Variants in MBNL2 observed in about 807,000 individuals in gnomAD.
MBNL2 encodes the protein muscleblind-like protein 2.
Under a neutral mutation model 41.9 loss-of-function variants are expected in MBNL2, and 17 were observed. The ratio of observed to expected loss-of-function variants is 0.41; its 90% CI spans 0.28 to 0.61. The LOEUF (loss-of-function observed/expected upper bound fraction) is 0.61, where lower values mean the gene tolerates loss of function less well. Among genes scored for constraint, MBNL2 ranks in the 20% least tolerant of loss-of-function variants. MBNL2 has a pLI of 0.35. For synonymous variants in MBNL2, 195 were observed against 182.9 expected (o/e 1.07, Z -0.53); for missense variants, 336 against 505.6 (o/e 0.66, Z 3.22).
chr13:97,365,629 C>T (rs1441744535), intron 8 of MBNL2, among the ~76,000 whole-genome samples: 5 of 152,078 alleles, frequency 3.3e-5, no homozygotes, highest in African/African-American at 7.2e-5. Context: ...ATTTTGAAAC[C>T]GCATGTCTGA....
intron 8 of MBNL2, among the ~76,000 whole-genome samples, chr13:97,370,790 G>A (rs945602091): frequency 6.6e-6 from 1 of 152,076 alleles, no homozygotes; most frequent in South Asian, 2.1e-4. Flanking sequence ...CTAAGAAAAA[G>A]TTAGTCCTTT....
chr13:97,178,475 T>C, the MBNL2 span, among the ~76,000 whole-genome samples: 6 of 152,228 alleles, frequency 3.9e-5, no homozygotes, highest in African/African-American at 1.4e-4. Flanking sequence ...AAAATTGTTA[T>C]ACAACCATTT....
At chr13:97,193,324 C>T in the MBNL2 span, among the ~76,000 whole-genome samples, 3 of 152,186 alleles carry the variant, frequency 2.0e-5, no homozygotes, top group African/African-American at 4.8e-5. Context: ...GTTGATGGGG[C>T]CCAAGGGCCC....
the MBNL2 span, among the ~76,000 whole-genome samples, chr13:97,197,788 C>G: frequency 6.5e-4 from 99 of 152,284 alleles, no homozygotes; most frequent in Non-Finnish European, 1.1e-3. Context: ...TCCAATTAAA[C>G]AGTTAAGGTT....
intron 2 of MBNL2, among the ~76,000 whole-genome samples, chr13:97,323,594 A>G (rs1165747751): frequency 1.3e-5 from 2 of 152,194 alleles, no homozygotes; most frequent in African/African-American, 2.4e-5. Flanking sequence ...AGGCCGTTGT[A>G]TATCAGGGAC....
intron 1 of MBNL2, among the ~76,000 whole-genome samples, chr13:97,272,778 C>T (rs538290762): frequency 3.9e-5 from 6 of 152,104 alleles, no homozygotes; most frequent in South Asian, 4.1e-4. Flanking sequence ...ACAATGCATA[C>T]GTATTTCAAA....
the MBNL2 span, among the ~76,000 whole-genome samples, chr13:97,205,227 A>T: frequency 7.2e-6 from 1 of 138,500 alleles, no homozygotes; most frequent in African/African-American, 2.9e-5. Flanking sequence ...TTATATTAAA[A>T]ATATATATAT....
the MBNL2 span, among the ~76,000 whole-genome samples, chr13:97,155,381 CTTTT>C: frequency 2.1e-5 from 3 of 139,880 alleles, no homozygotes; most frequent in African/African-American, 7.8e-5. Flanking sequence ...AAGTAATTTT[CTTTT>C]TTTTTTTTAT....
At chr13:97,235,164 T>C (rs1365336528) in intron 1 of MBNL2, among the ~76,000 whole-genome samples, 2 of 152,190 alleles carry the variant, frequency 1.3e-5, no homozygotes, top group Non-Finnish European at 2.9e-5. Context: ...AGACTTGAGT[T>C]GATATTTAAC....
intron 5 of MBNL2, among the ~76,000 whole-genome samples, chr13:97,355,415 G>A (rs1053711045): frequency 1.3e-5 from 2 of 151,856 alleles, no homozygotes; most frequent in Admixed American, 6.6e-5. Flanking sequence ...CATTTTAAAG[G>A]TTTAGTACTG....
the MBNL2 span, among the ~76,000 whole-genome samples, chr13:97,186,600 A>G: frequency 6.6e-6 from 1 of 152,230 alleles, no homozygotes; most frequent in Admixed American, 6.5e-5. Context: ...GCAGGTCAGA[A>G]TGACTATCTA....
intron 2 of MBNL2, among the ~76,000 whole-genome samples, chr13:97,298,200 AAAAT>A (rs766443043): frequency 7.9e-5 from 12 of 151,624 alleles, no homozygotes; most frequent in Admixed American, 6.6e-5. Flanking sequence ...TAAATAAATA[AAAAT>A]AAATAAATAA....
At chr13:97,263,926 A>AT (rs2049175208) in intron 1 of MBNL2, among the ~76,000 whole-genome samples, 1 of 149,036 alleles carries the variant, frequency 6.7e-6, no homozygotes, top group Non-Finnish European at 1.5e-5. Context: ...CCTTACTTTT[A>AT]TTTTTTTAAT....
upstream of MBNL2, among the ~76,000 whole-genome samples, chr13:97,218,440 C>CAAAACAAAACAAAACA (rs55815508): frequency 8.5e-6 from 1 of 117,974 alleles, no homozygotes. Context: ...CAAAACAAAA[C>CAAAACAAAACAAAACA]AAAAAAAAAA....
In MBNL2 at chr13:97,333,930, G is replaced by A. The variant is rs2060633779; in HGVS notation, c.175-346G>A. Among the ~76,000 whole-genome samples the A allele has an allele frequency of 2.6e-5, 3 of 114,496 alleles. No individual in the cohort carries two copies. The South Asian group carries it at 9.1e-4, about 35-fold the overall frequency. 75.1% of individuals were successfully genotyped at this position (114,496 alleles called of 152,430 possible). A position where few individuals can be genotyped will look rare whatever the true frequency, so the allele number is the denominator to read the frequency against. ...GGTTTAGAATCTGAAAGGAAGAAAGGAAAGAAAGAAAGAAAAGAAAGAAAG... is the reference window on the plus strand; with the variant it reads ...GGTTTAGAATCTGAAAGGAAGAAAGAAAAGAAAGAAAGAAAAGAAAGAAAG... On this transcript the variant is annotated intron_variant, in intron 2 of 8. Transcript: ENST00000679496.
At position 97,380,451 on chromosome 13, in the gene MBNL2, G is replaced by A. The variant is rs551337326; in HGVS notation, c.1049-10871G>A. On this transcript the variant is annotated intron_variant, in intron 8 of 8. Coordinates refer to ENST00000679496, the MANE Select transcript of MBNL2 (RefSeq NM_001382683.1). Reference sequence around the variant, plus strand: ...AGAGGTTGCAGTGAGCCAAGATTGCGCCTTTGCACTCCAGCCTGGGCAACA... The same window carrying A: ...AGAGGTTGCAGTGAGCCAAGATTGCACCTTTGCACTCCAGCCTGGGCAACA... Among the ~76,000 whole-genome samples the A allele has an allele frequency of 4.6e-5, 7 of 151,850 alleles. No homozygotes were observed. The East Asian group carries it at 5.8e-4, about 13-fold the overall frequency.
intron 2 of MBNL2, among the ~76,000 whole-genome samples, chr13:97,317,203 G>A (rs1183180548): frequency 1.3e-5 from 2 of 152,166 alleles, no homozygotes; most frequent in African/African-American, 4.8e-5. Context: ...GTCCCGTGTG[G>A]TCCTATAAGT....
intron 2 of MBNL2, among the ~76,000 whole-genome samples, chr13:97,331,649 C>A (rs2060450728): frequency 6.6e-6 from 1 of 152,072 alleles, no homozygotes; most frequent in Non-Finnish European, 1.5e-5. Flanking sequence ...GGGAAAGTTT[C>A]TTTATCTTCT....
chr13:97,292,753 A>C (rs1395918535), intron 2 of MBNL2, among the ~76,000 whole-genome samples: 1 of 152,020 alleles, frequency 6.6e-6, no homozygotes, highest in Non-Finnish European at 1.5e-5. Flanking sequence ...TTCTTGATAC[A>C]TAGTACAATT....
Sources: gnomAD v4.1 joint callset for allele counts (sites outside exome capture counted in the v4.1 genomes callset) on GRCh38, gnomAD v4.1.1 for gene constraint, MANE v1.5 for transcripts, NCBI Gene and HGNC (gene_info 2026-07-23, HGNC 2026-07-21) for gene names.